Variants in RYR3 observed in about 807,000 individuals in gnomAD.
The protein encoded by RYR3 is brain ryanodine receptor-calcium release channel.
A neutral mutation model predicts 584.3 loss-of-function variants in RYR3; 207 were observed. That is an observed-to-expected ratio of 0.35 (90% confidence interval 0.32 to 0.40). RYR3 has a LOEUF of 0.40. RYR3 is among the 10% of genes least tolerant of loss of function. The probability of loss-of-function intolerance (pLI) is 1.00; values close to 1 mark genes in which losing one functional copy is unlikely to be tolerated. For missense variants in RYR3, 5,616 were observed against 6,089.2 expected (o/e 0.92, Z 2.59); for synonymous variants, 2,416 against 2,248.5 (o/e 1.07, Z -2.11).
chr15:33,787,495 T>C (rs1433405285), intron 66 of RYR3, among the ~76,000 whole-genome samples: 1 of 151,872 alleles, frequency 6.6e-6, no homozygotes, highest in Admixed American at 6.6e-5. Flanking sequence ...CACTCATTTT[T>C]TTCTTACAAT....
intron 2 of RYR3, 96 bp downstream of exon 2, chr15:33,473,634 A>C (rs2049129150): frequency 8.3e-7 from 1 of 1,205,662 alleles, no homozygotes. Flanking sequence ...TGAGGACGAC[A>C]TTTGAAAGGA....
chr15:33,322,323 A>T (rs1969077063), intron 1 of RYR3, among the ~76,000 whole-genome samples: 1 of 152,152 alleles, frequency 6.6e-6, no homozygotes, highest in South Asian at 2.1e-4. Flanking sequence ...GCAAAGCAAG[A>T]GCGAGCATGT....
chr15:33,644,337 C>T lies in RYR3; in HGVS notation c.3583C>T (p.Leu1195=). The change falls in exon 28 of 104, where the codon CTA becomes TTA. Residue 1195 remains leucine, a synonymous_variant. Coordinates refer to ENST00000634891, the MANE Select transcript of RYR3 (RefSeq NM_001036.6). ...NGFVPICCLG[L]SQIGRMNLGT... ...CTTCGTGCCCATCTGCTGTCTGGGT[C>T]TATCTCAGATCGGCCGCATGAATCT... The T allele has an allele frequency of 6.2e-7, 1 of 1,612,348 alleles. No homozygotes were observed. The highest frequency in any genetic ancestry group is 8.5e-7 in the Non-Finnish European group (1 of 1,179,284).
intron 18 of RYR3, among the ~76,000 whole-genome samples, chr15:33,606,301 T>A (rs2059899935): frequency 6.6e-6 from 1 of 152,216 alleles, no homozygotes; most frequent in South Asian, 2.1e-4. Flanking sequence ...AAATATGAGC[T>A]ACCTTCCATC....
chr15:33,734,897 G>T (rs2069302194), intron 48 of RYR3, among the ~76,000 whole-genome samples: 3 of 151,876 alleles, frequency 2.0e-5, no homozygotes, highest in African/African-American at 7.3e-5. Context: ...CACCATGTTA[G>T]CCAGGCTGGT....
intron 1 of RYR3, among the ~76,000 whole-genome samples, chr15:33,312,432 A>G (rs1228956887): frequency 1.3e-5 from 2 of 152,104 alleles, no homozygotes; most frequent in Non-Finnish European, 2.9e-5. Context: ...AGGCTAGAGT[A>G]TTCATCTCTT....
At chr15:33,777,431 T>C (rs1024044803) in intron 64 of RYR3, among the ~76,000 whole-genome samples, 1 of 152,218 alleles carries the variant, frequency 6.6e-6, no homozygotes, top group Non-Finnish European at 1.5e-5. Flanking sequence ...GGAGCATTAA[T>C]TGGCAGACTT....
At chr15:33,825,532 A>C in intron 81 of RYR3, 71 bp from the exon 82 acceptor site, 1 of 948,812 alleles carries the variant, frequency 1.1e-6, no homozygotes, top group Non-Finnish European at 1.7e-6. Context: ...GTCGATAGGT[A>C]CATTAACATT....
At chr15:33,396,835 G>A (rs1052229990) in intron 1 of RYR3, among the ~76,000 whole-genome samples, 1 of 152,184 alleles carries the variant, frequency 6.6e-6, no homozygotes, top group Non-Finnish European at 1.5e-5. Flanking sequence ...TGGGCTACAG[G>A]AAAGGAGATT....
chr15:33,396,001 C>A (rs1012827728), intron 1 of RYR3, among the ~76,000 whole-genome samples: 6 of 152,198 alleles, frequency 3.9e-5, no homozygotes, highest in Non-Finnish European at 8.8e-5. Context: ...TCCTGCTGTG[C>A]CTGCCCACTT....
At position 33,746,805 on chromosome 15, in the gene RYR3, T is replaced by C. The variant is rs79399520; in HGVS notation, c.7989+648T>C. ...CAAAAATAATTTCTTTCTTTCTTCT[T>C]TTTTTTTTTTTTTTCTCTTTTGAGG... On this transcript the variant is annotated intron_variant, in intron 53 of 103. Coordinates refer to ENST00000634891, the MANE Select transcript of RYR3 (RefSeq NM_001036.6). 9.8e-4 allele frequency among the ~76,000 whole-genome samples: 69 copies of C among 70,130 alleles called. 1 individual carries two copies. The East Asian group carries it at 0.036, about 36-fold the overall frequency. The allele number at this position is 70,130 out of a possible 152,430, so 46.0% of individuals were successfully genotyped here.
intron 69 of RYR3, among the ~76,000 whole-genome samples, chr15:33,803,305 G>T (rs1054886325): frequency 3.3e-5 from 5 of 152,126 alleles, no homozygotes; most frequent in African/African-American, 1.2e-4. Context: ...AGTTTTATTT[G>T]ATTTTTCAGA....
At chr15:33,476,911 T>C (rs59884852) in intron 2 of RYR3, among the ~76,000 whole-genome samples, 7,087 of 152,276 alleles carry the variant, frequency 0.047, 225 homozygotes, top group African/African-American at 0.089. Context: ...TAGAGGAACT[T>C]GGGTTCCAAG....
At chr15:33,651,415 A>G (rs186792040) in intron 31 of RYR3, among the ~76,000 whole-genome samples, 2 of 152,356 alleles carry the variant, frequency 1.3e-5, no homozygotes, top group East Asian at 3.9e-4. Context: ...GAAAGAGGCT[A>G]TTTGCACTGG....
At chr15:33,314,377 A>G (rs1967788329) in intron 1 of RYR3, among the ~76,000 whole-genome samples, 1 of 152,164 alleles carries the variant, frequency 6.6e-6, no homozygotes, top group Non-Finnish European at 1.5e-5. Context: ...GCTGATCTGA[A>G]AGCAAGAAGT....
At chr15:33,396,895 A>G (rs2042334203) in intron 1 of RYR3, among the ~76,000 whole-genome samples, 1 of 152,230 alleles carries the variant, frequency 6.6e-6, no homozygotes, top group Non-Finnish European at 1.5e-5. Context: ...TGAAACCCAG[A>G]AGAGTAATGC....
chr15:33,607,217 G>A (rs1452909251), intron 18 of RYR3, among the ~76,000 whole-genome samples: 1 of 152,192 alleles, frequency 6.6e-6, no homozygotes. Context: ...TGCAAGTGCT[G>A]AGCATCGCTG....
chr15:33,734,800 C>T (rs1247952840), intron 48 of RYR3, among the ~76,000 whole-genome samples: 1 of 150,548 alleles, frequency 6.6e-6, no homozygotes, highest in African/African-American at 2.5e-5. Flanking sequence ...CACAATTCTC[C>T]TGCCTCAGCC....
chr15:33,393,991 A>G (rs1052280274), intron 1 of RYR3, among the ~76,000 whole-genome samples: 2 of 152,090 alleles, frequency 1.3e-5, no homozygotes, highest in African/African-American at 2.4e-5. Context: ...GGATCAAACA[A>G]TTTTCCTATG....
Sources: gnomAD v4.1 joint callset for allele counts (sites outside exome capture counted in the v4.1 genomes callset) on GRCh38, gnomAD v4.1.1 for gene constraint, MANE v1.5 for transcripts, NCBI Gene and HGNC (gene_info 2026-07-23, HGNC 2026-07-21) for gene names.